Variants in HIVEP1 observed in about 807,000 individuals in gnomAD.
The protein encoded by HIVEP1 is zinc finger protein 40.
HIVEP1 carries 36 observed loss-of-function variants against 180.0 expected under a neutral mutation model. That is an observed-to-expected ratio of 0.20 (90% CI 0.15 to 0.26). HIVEP1 has a LOEUF of 0.26. Among genes scored for constraint, HIVEP1 ranks in the 10% least tolerant of loss-of-function variants. The probability of loss-of-function intolerance (pLI) is 1.00; values close to 1 mark genes in which losing one functional copy is unlikely to be tolerated. For synonymous variants in HIVEP1, 1,239 were observed against 1,239.0 expected, an observed-to-expected ratio of 1.00 and a Z score of 0.00; for missense variants, 3,143 against 3,268.7, an observed-to-expected ratio of 0.96 and a Z score of 0.94.
intron 2 of HIVEP1, among the ~76,000 whole-genome samples, chr6:12,048,194 C>T (rs1188921606): frequency 6.6e-6 from 1 of 152,136 alleles, no homozygotes; most frequent in Non-Finnish European, 1.5e-5. Flanking sequence ...GCCATTGGGC[C>T]CAGTGATAAG....
chr6:12,079,932 GCATC>G (rs1277472985), intron 2 of HIVEP1, among the ~76,000 whole-genome samples: 13 of 119,434 alleles, frequency 1.1e-4, no homozygotes, highest in Non-Finnish European at 1.8e-4. Context: ...ATTCCTGATG[GCATC>G]TATCTATCTA....
chr6:12,059,936 A>T (rs537394142), intron 2 of HIVEP1, among the ~76,000 whole-genome samples: 1 of 152,232 alleles, frequency 6.6e-6, no homozygotes, highest in African/African-American at 2.4e-5. Flanking sequence ...ATGTGTATGC[A>T]TATACATGTA....
chr6:12,026,060 A>G lies in HIVEP1; in HGVS notation c.40+10392A>G, dbSNP rs898398335. Among the ~76,000 whole-genome samples the G allele has an allele frequency of 5.3e-4, 81 of 152,160 alleles. 1 individual carries two copies. Among genetic ancestry groups the G allele is most frequent in the African/African-American group, 1.9e-3 (77 of 41,532 alleles). On this transcript the variant is annotated intron_variant, in intron 2 of 8. Coordinates refer to ENST00000379388, the MANE Select transcript of HIVEP1 (RefSeq NM_002114.4). The stretch of plus-strand genomic sequence containing the variant: ...CATATCAAAAAAAAAAAAAAGAACA[A>G]TTTTTAAGGGATCATAGAGAATTCT...
upstream of HIVEP1, among the ~76,000 whole-genome samples, chr6:12,010,542 G>A (rs1767217339): frequency 6.6e-6 from 1 of 152,110 alleles, no homozygotes; most frequent in Non-Finnish European, 1.5e-5. Flanking sequence ...AGCTGTCTTA[G>A]TGGTTGTATG....
intron 5 of HIVEP1, among the ~76,000 whole-genome samples, chr6:12,130,547 C>A (rs562332535): frequency 0.01 from 1,541 of 151,344 alleles, 26 homozygotes; most frequent in African/African-American, 0.035. Context: ...AAAAAAAAAA[C>A]AAAACAAAAT....
At chr6:12,168,257 CGTGT>C (rs1222930474), downstream of HIVEP1, among the ~76,000 whole-genome samples, 1 of 33,878 alleles carries the variant, frequency 3.0e-5, no homozygotes, top group Non-Finnish European at 6.3e-5. Context: ...TACAGATATA[CGTGT>C]ATATATACAT....
rs186956195 is a variant in HIVEP1 at position 12,047,616 on chromosome 6, T to A, written c.40+31948T>A. 3.3e-5 allele frequency among the ~76,000 whole-genome samples: 5 copies of A among 152,336 alleles called. No individual in the cohort carries two copies. In the East Asian group the frequency reaches 5.8e-4, roughly 18 times the overall value. ...GCAGGTGTTCTGCCACAAACACATC[T>A]TCTTTCCGTCCTGTCACACTGCTGA... On this transcript the variant is annotated intron_variant, in intron 2 of 8. Coordinates refer to ENST00000379388, the MANE Select transcript of HIVEP1 (RefSeq NM_002114.4).
chr6:12,194,096 AAAG>A, the HIVEP1 span, among the ~76,000 whole-genome samples: 1 of 152,174 alleles, frequency 6.6e-6, no homozygotes, highest in Non-Finnish European at 1.5e-5. Context: ...CTCAGAACAA[AAAG>A]AAGAGAATGC....
At chr6:12,116,370 C>T (rs1003767583) in intron 3 of HIVEP1, among the ~76,000 whole-genome samples, 1 of 152,088 alleles carries the variant, frequency 6.6e-6, no homozygotes. Flanking sequence ...CTGAGCTGTT[C>T]AGCCCCAGAT....
rs547540253 is a variant in HIVEP1 at position 12,089,932 on chromosome 6, T to A, written c.94+695T>A. 1.1e-3 allele frequency among the ~76,000 whole-genome samples: 168 copies of A among 152,156 alleles called. No homozygotes were observed. In the South Asian group the frequency reaches 0.013, roughly 11 times the overall value. ...GTTGGAAAGGATTTATACACAGATA[T>A]GTGTTAATAGTGGGAAGAGGAGCAA... On this transcript the variant is annotated intron_variant, in intron 3 of 8. Coordinates refer to ENST00000379388, the MANE Select transcript of HIVEP1 (RefSeq NM_002114.4).
intron 2 of HIVEP1, among the ~76,000 whole-genome samples, chr6:12,046,624 C>T (rs1021081355): frequency 9.2e-5 from 14 of 151,874 alleles, no homozygotes; most frequent in Non-Finnish European, 1.2e-4. Context: ...ACCAAAAATA[C>T]AAAAATTAGC....
At chr6:12,208,532 G>A in the HIVEP1 span, among the ~76,000 whole-genome samples, 3 of 152,220 alleles carry the variant, frequency 2.0e-5, no homozygotes, top group Admixed American at 1.3e-4. Flanking sequence ...GTGCTGCACC[G>A]CGTCACCCAG....
intron 7 of HIVEP1, among the ~76,000 whole-genome samples, chr6:12,148,296 C>T (rs1562001123): frequency 6.6e-6 from 1 of 152,184 alleles, no homozygotes; most frequent in Non-Finnish European, 1.5e-5. Flanking sequence ...ATCCTCTTCA[C>T]ACCCCGATGC....
intron 2 of HIVEP1, among the ~76,000 whole-genome samples, chr6:12,066,777 T>A (rs952895997): frequency 6.6e-5 from 10 of 152,180 alleles, no homozygotes; most frequent in African/African-American, 2.4e-4. Context: ...TTCTCTGAGC[T>A]ATTTCTTCAA....
chr6:12,137,047 C>T (rs927927146), intron 7 of HIVEP1, among the ~76,000 whole-genome samples: 4 of 152,112 alleles, frequency 2.6e-5, no homozygotes, highest in South Asian at 2.1e-4. Flanking sequence ...AATTCAAAGG[C>T]ATTTAATCCC....
At chr6:12,192,511 T>C in the HIVEP1 span, among the ~76,000 whole-genome samples, 1 of 152,176 alleles carries the variant, frequency 6.6e-6, no homozygotes, top group Non-Finnish European at 1.5e-5. Flanking sequence ...GGGAGGGACC[T>C]GGTGGGAGGT....
rs961835334 is a variant in HIVEP1 at position 12,114,640 on chromosome 6, A to C, written c.95-5250A>C. On this transcript the variant is annotated intron_variant, in intron 3 of 8. Transcript: ENST00000379388. ...AAAAAAAGAATGTGCACGTACACTT[A>C]ATGTATCATAATTTTCATATTGCTG... is the stretch of plus-strand genomic sequence containing the variant. 2.0e-5 allele frequency among the ~76,000 whole-genome samples: 3 copies of C among 152,212 alleles called. No homozygotes were observed. In the East Asian group the frequency reaches 5.8e-4, roughly 29 times the overall value.
At chr6:12,197,841 G>T in the HIVEP1 span, among the ~76,000 whole-genome samples, 2 of 152,152 alleles carry the variant, frequency 1.3e-5, no homozygotes, top group Admixed American at 1.3e-4. Flanking sequence ...AACAAAAAGT[G>T]GTGAGGGTCT....
chr6:12,024,111 C>T (rs998033437), intron 2 of HIVEP1, among the ~76,000 whole-genome samples: 1 of 152,134 alleles, frequency 6.6e-6, no homozygotes, highest in Admixed American at 6.5e-5. Flanking sequence ...TACTGTTAAC[C>T]ATTGTTCACT....
Sources: gnomAD v4.1 joint callset for allele counts (sites outside exome capture counted in the v4.1 genomes callset) on GRCh38, gnomAD v4.1.1 for gene constraint, MANE v1.5 for transcripts, NCBI Gene and HGNC (gene_info 2026-07-23, HGNC 2026-07-21) for gene names.